Variants in ELAVL2 observed in about 807,000 individuals in gnomAD.
ELAVL2 encodes the protein ELAV like RNA binding protein 2.
Under a neutral mutation model 34.6 loss-of-function variants are expected in ELAVL2, and 4 were observed. The ratio of observed to expected loss-of-function variants is 0.12; its 90% confidence interval spans 0.06 to 0.26. The LOEUF is 0.26. Ranked by LOEUF, ELAVL2 falls within the 10% of genes least tolerant of loss-of-function variation. ELAVL2 has a pLI of 1.00. For missense variants in ELAVL2, 432 were observed against 442.8 expected (o/e 0.98, Z 0.22); for synonymous variants, 193 against 154.8 (o/e 1.25, Z -1.83).
In ELAVL2 at chr9:23,762,183, G is replaced by A. The variant is rs1301868293; in HGVS notation, c.52C>T (p.Pro18Ser). Reference sequence around the variant, plus strand: ...GAACAGTTGTTGTTTATGGTGGTTGGACCATTGGCTGTGTTATTGCAAGTT... The same window carrying A: ...GAACAGTTGTTGTTTATGGTGGTTGAACCATTGGCTGTGTTATTGCAAGTT... ...GPTCNNTANG[P>S]TTINNNCSSP... Residue 18 changes from proline (P) to serine (S), a missense_variant, in exon 2 of 7, where the codon CCA becomes TCA. By Grantham distance (74) the Pro-to-Ser change is moderately conservative. Around this residue, in one of 3 missense-constraint regions of ELAVL2, gnomAD observed 132 missense variants for 118.3 expected, o/e 1.12. Transcript: ENST00000397312. 3 of 1,613,562 alleles carry A rather than the reference G, an allele frequency of 1.9e-6. No homozygotes were observed. Among genetic ancestry groups the A allele is most frequent in the Non-Finnish European group, 8.5e-7 (1 of 1,179,616 alleles).
chr9:23,746,724 C>A (rs1745354663), intron 2 of ELAVL2, among the ~76,000 whole-genome samples: 1 of 151,598 alleles, frequency 6.6e-6, no homozygotes, highest in African/African-American at 2.4e-5. Context: ...AAGAGAATTC[C>A]CCAATACAGA....
At chr9:23,716,550 G>A (rs983581456) in intron 3 of ELAVL2, among the ~76,000 whole-genome samples, 37 of 151,892 alleles carry the variant, frequency 2.4e-4, no homozygotes, top group African/African-American at 8.7e-4. Flanking sequence ...TTTCGTCTTT[G>A]AGCACACAGA....
chr9:23,744,741 C>A (rs1588015215), intron 2 of ELAVL2, among the ~76,000 whole-genome samples: 2 of 151,112 alleles, frequency 1.3e-5, no homozygotes. Flanking sequence ...TCTCGCGCAC[C>A]CCCCACGAAA....
At chr9:23,799,510 G>A (rs1036244381) in intron 1 of ELAVL2, among the ~76,000 whole-genome samples, 1 of 152,218 alleles carries the variant, frequency 6.6e-6, no homozygotes, top group Non-Finnish European at 1.5e-5. Context: ...AGAGTTTTGA[G>A]GGCCTACAAT....
At chr9:23,724,766 A>G (rs2044645192) in intron 3 of ELAVL2, among the ~76,000 whole-genome samples, 2 of 152,208 alleles carry the variant, frequency 1.3e-5, no homozygotes, top group South Asian at 4.1e-4. Flanking sequence ...CAAGTTAACA[A>G]TGAAGTTAGG....
chr9:23,734,121 C>T (rs557150260), intron 2 of ELAVL2, among the ~76,000 whole-genome samples: 1 of 152,294 alleles, frequency 6.6e-6, no homozygotes, highest in African/African-American at 2.4e-5. Context: ...TAAAAGACTG[C>T]ATTCCTAAAC....
intron 3 of ELAVL2, among the ~76,000 whole-genome samples, chr9:23,724,517 T>G (rs570606333): frequency 6.6e-6 from 1 of 152,286 alleles, no homozygotes; most frequent in South Asian, 2.1e-4. Flanking sequence ...AAGAAATTTC[T>G]GGGCTTTTTG....
intron 2 of ELAVL2, among the ~76,000 whole-genome samples, chr9:23,748,101 A>C (rs547828042): frequency 6.6e-6 from 1 of 151,462 alleles, no homozygotes; most frequent in South Asian, 2.1e-4. Flanking sequence ...GTCTAAAAAA[A>C]AGAAATGGCT....
chr9:23,776,437 C>T (rs1454231113), intron 1 of ELAVL2, among the ~76,000 whole-genome samples: 2 of 152,100 alleles, frequency 1.3e-5, no homozygotes, highest in African/African-American at 2.4e-5. Context: ...GAAGTTTATA[C>T]TCTCTCCCCA....
At chr9:23,840,927 A>C in the ELAVL2 span, among the ~76,000 whole-genome samples, 2 of 152,180 alleles carry the variant, frequency 1.3e-5, no homozygotes, top group Admixed American at 6.5e-5. Context: ...AAGAAAAAAA[A>C]CTATCAGAAA....
At chr9:23,766,267 A>C (rs2056237222) in intron 1 of ELAVL2, among the ~76,000 whole-genome samples, 1 of 152,172 alleles carries the variant, frequency 6.6e-6, no homozygotes, top group South Asian at 2.1e-4. Context: ...CTCCCACTGT[A>C]ACAAGAGATT....
chr9:23,843,365 G>C, the ELAVL2 span, among the ~76,000 whole-genome samples: 1 of 152,060 alleles, frequency 6.6e-6, no homozygotes, highest in Non-Finnish European at 1.5e-5. Flanking sequence ...AGATATCACA[G>C]AGCAAAATGC....
chr9:23,839,609 T>A, the ELAVL2 span, among the ~76,000 whole-genome samples: 1 of 152,174 alleles, frequency 6.6e-6, no homozygotes, highest in Non-Finnish European at 1.5e-5. Flanking sequence ...ACTGCATTTA[T>A]CAGCAATGAT....
intron 1 of ELAVL2, among the ~76,000 whole-genome samples, chr9:23,801,361 A>G (rs79100067): frequency 0.026 from 3,899 of 152,300 alleles, 213 homozygotes; most frequent in Admixed American, 0.12. Context: ...TGAAAAACTA[A>G]TATTTCTTCT....
At chr9:23,797,291 C>T (rs900175762) in intron 1 of ELAVL2, among the ~76,000 whole-genome samples, 1 of 152,186 alleles carries the variant, frequency 6.6e-6, no homozygotes, top group East Asian at 1.9e-4. Flanking sequence ...AAAGGCACTA[C>T]AAAAACAGCA....
intron 3 of ELAVL2, among the ~76,000 whole-genome samples, chr9:23,705,700 G>C (rs2039092148): frequency 1.3e-5 from 2 of 152,168 alleles, no homozygotes; most frequent in Admixed American, 6.5e-5. Context: ...TCAAAATAGG[G>C]TTTGTGCCCT....
intron 1 of ELAVL2, among the ~76,000 whole-genome samples, chr9:23,802,741 C>T (rs1478609023): frequency 6.6e-6 from 1 of 152,198 alleles, no homozygotes; most frequent in Non-Finnish European, 1.5e-5. Flanking sequence ...GTGACACTTG[C>T]TTCTGCATTC....
At position 23,817,046 on chromosome 9, in the gene ELAVL2, T is replaced by TA. The variant is rs936574753; in HGVS notation, c.-16+8759dup. ...CTAAAGCAAAACCTTCACTGTGTCT[T>TA]AAAAAAAAAAACCTATCATTTTACT... is the stretch of plus-strand genomic sequence containing the variant. On this transcript the variant is annotated intron_variant, in intron 1 of 6. Transcript: ENST00000397312. Among the ~76,000 whole-genome samples, 539 of 145,740 alleles carry TA rather than the reference T, an allele frequency of 3.7e-3. 4 individuals are homozygous for TA. The highest frequency in any genetic ancestry group is 9.0e-3 in the African/African-American group (360 of 39,986).
At chr9:23,739,191 ACT>A (rs769671596) in intron 2 of ELAVL2, among the ~76,000 whole-genome samples, 1 of 152,108 alleles carries the variant, frequency 6.6e-6, no homozygotes, top group Non-Finnish European at 1.5e-5. Flanking sequence ...ACAGGATGAG[ACT>A]CTACCTGAAA....
Sources: allele counts gnomAD v4.1 joint callset (sites outside exome capture counted in the v4.1 genomes callset), GRCh38; gene constraint gnomAD v4.1.1; regional missense constraint gnomAD v4.1.1; transcripts MANE v1.5; gene names NCBI Gene and HGNC (gene_info 2026-07-23, HGNC 2026-07-21).